ARHGAP35: variants seen among roughly 807,000 people sequenced by gnomAD.
ARHGAP35 encodes the protein rho GTPase-activating protein 35.
ARHGAP35 carries 15 observed loss-of-function variants against 111.1 expected under a neutral mutation model. The ratio of observed to expected loss-of-function variants is 0.13; its 90% CI spans 0.09 to 0.21. The LOEUF is 0.21. Ranked by LOEUF, ARHGAP35 falls within the 10% of genes least tolerant of loss-of-function variation. The pLI, the probability that ARHGAP35 is intolerant of heterozygous loss-of-function variation, is 1.00. For missense variants in ARHGAP35, 1,262 were observed against 1,873.0 expected, an observed-to-expected ratio of 0.67 and a Z score of 6.02; for synonymous variants, 643 against 710.3, an observed-to-expected ratio of 0.91 and a Z score of 1.51.
At position 46,874,574 on chromosome 19, in the gene ARHGAP35, G is replaced by A. The variant is rs187909506; in HGVS notation, c.-189+13365G>A. The stretch of plus-strand genomic sequence containing the variant: ...GCTGGAGTACAATGGCACAATCTTC[G>A]GCTCACAGCAACCTCCGCCTCCTGC... On this transcript the variant is annotated intron_variant, in intron 1 of 6. Transcript: ENST00000672722. Among the ~76,000 whole-genome samples, 64 of 136,948 alleles carry A rather than the reference G, an allele frequency of 4.7e-4. No individual in the cohort carries two copies. In the East Asian group the frequency reaches 5.8e-3, roughly 12 times the overall value. 89.8% of individuals were successfully genotyped at this position (136,948 alleles called of 152,430 possible).
chr19:46,975,625 C>T (rs1296933122), intron 3 of ARHGAP35, among the ~76,000 whole-genome samples: 2 of 141,704 alleles, frequency 1.4e-5, no homozygotes, highest in African/African-American at 2.6e-5. Flanking sequence ...TGGCAGAGGC[C>T]GTTCACAGCC....
intron 5 of ARHGAP35, among the ~76,000 whole-genome samples, chr19:46,998,360 C>A (rs1443683514): frequency 6.6e-6 from 1 of 152,150 alleles, no homozygotes; most frequent in African/African-American, 2.4e-5. Context: ...TTCTTCTGAG[C>A]CCTGGAGTCC....
At chr19:46,925,114 C>G (rs2056230576) in intron 2 of ARHGAP35, among the ~76,000 whole-genome samples, 1 of 152,140 alleles carries the variant, frequency 6.6e-6, no homozygotes, top group Admixed American at 6.5e-5. Context: ...CTCTTCAAGT[C>G]AAATAAAAAT....
chr19:46,979,148 C>T (rs1486596827), intron 3 of ARHGAP35, among the ~76,000 whole-genome samples: 1 of 151,760 alleles, frequency 6.6e-6, no homozygotes, highest in Non-Finnish European at 1.5e-5. Flanking sequence ...ATTGTGCTCG[C>T]GGTCTGTTTC....
At chr19:46,897,488 CT>C (rs2056063682) in intron 1 of ARHGAP35, among the ~76,000 whole-genome samples, 1 of 143,180 alleles carries the variant, frequency 7.0e-6, no homozygotes, top group South Asian at 2.2e-4. Context: ...TTCTATTTAT[CT>C]TGGCTTAATA....
Position 46,873,593 on chromosome 19 carries a change from G to A in ARHGAP35, c.-189+12384G>A, listed in dbSNP as rs112149248. On this transcript the variant is annotated intron_variant, in intron 1 of 6. Coordinates refer to ENST00000672722, the MANE Select transcript of ARHGAP35 (RefSeq NM_004491.5). ...GTGGAGGTTGCAGTGAGCTGAGATC[G>A]CGCCACTGCACCCCACCTGGCTGAC... Among the ~76,000 whole-genome samples the A allele has an allele frequency of 2.0e-5, 3 of 148,478 alleles. 1 individual carries two copies. The highest frequency in any genetic ancestry group is 7.5e-5 in the African/African-American group (3 of 40,200).
At chr19:46,936,496 C>A (rs2056308035) in intron 2 of ARHGAP35, among the ~76,000 whole-genome samples, 1 of 152,172 alleles carries the variant, frequency 6.6e-6, no homozygotes. Context: ...TCAGCCCTAG[C>A]AGAATGCCTG....
At position 46,977,139 on chromosome 19, in the gene ARHGAP35, G is replaced by A. The variant is rs1237445687; in HGVS notation, c.3827-10850G>A. On this transcript the variant is annotated intron_variant, in intron 3 of 6. Coordinates refer to ENST00000672722, the MANE Select transcript of ARHGAP35 (RefSeq NM_004491.5). Reference sequence around the variant, plus strand: ...CAGCCCATTAGCAAGAATGTGGCCAGCTTCTGCAGGGGGCGTGGCCCTGTG... The same window carrying A: ...CAGCCCATTAGCAAGAATGTGGCCAACTTCTGCAGGGGGCGTGGCCCTGTG... Among the ~76,000 whole-genome samples, 3 of 152,240 alleles carry A rather than the reference G, an allele frequency of 2.0e-5. No individual in the cohort carries two copies. The East Asian group carries it at 5.8e-4, about 29-fold the overall frequency.
chr19:46,919,411 C>T lies in ARHGAP35; in HGVS notation c.736C>T (p.Leu246Phe). 4 of 1,613,980 alleles carry T rather than the reference C, an allele frequency of 2.5e-6. No homozygotes were observed. Among genetic ancestry groups the T allele is most frequent in the Non-Finnish European group, 3.4e-6 (4 of 1,179,896 alleles). The change falls in exon 2 of 7, where the codon CTC becomes TTC. Residue 246 changes from leucine to phenylalanine, a missense_variant. By Grantham distance (22) the Leu-to-Phe change is conservative. This residue lies in a region of ARHGAP35 where 328 missense variants were observed against 440.8 expected (regional missense o/e 0.74). Coordinates refer to ENST00000672722, the MANE Select transcript of ARHGAP35 (RefSeq NM_004491.5). This position sits in a 1 kb window ranked among gnomAD's most constrained non-coding sequence, Gnocchi z 6.2. ...CTTGGCTTTCAGCACCTTAGTGCAACTCATTGATAAAAGTCGGGGAAAGAC... is the reference window on the plus strand; with the variant it reads ...CTTGGCTTTCAGCACCTTAGTGCAATTCATTGATAAAAGTCGGGGAAAGAC... Reference protein sequence around the residue: ...VDLAFSTLVQLIDKSRGKTKI... With the variant: ...VDLAFSTLVQFIDKSRGKTKI...
At chr19:46,964,162 T>C (rs2056500386) in intron 3 of ARHGAP35, among the ~76,000 whole-genome samples, 1 of 151,842 alleles carries the variant, frequency 6.6e-6, no homozygotes, top group Non-Finnish European at 1.5e-5. Context: ...GCCACCGGAC[T>C]CATTATTATA....
chr19:46,993,278 C>T lies in ARHGAP35; in HGVS notation c.4036+3603C>T, dbSNP rs1002498178. ...CTGCGTGATCACTGAAGGGCTGTGA[C>T]CTTGAGCCGGGCTTTCCCTTTCCTG... On this transcript the variant is annotated intron_variant, in intron 5 of 6. Coordinates refer to ENST00000672722, the MANE Select transcript of ARHGAP35 (RefSeq NM_004491.5). This position sits in a 1 kb window ranked among gnomAD's most constrained non-coding sequence, Gnocchi z 4.6. Among the ~76,000 whole-genome samples the T allele has an allele frequency of 6.6e-6, 1 of 152,224 alleles. No individual in the cohort carries two copies. Among genetic ancestry groups the T allele is most frequent in the African/African-American group, 2.4e-5 (1 of 41,460 alleles).
At position 46,912,424 on chromosome 19, in the gene ARHGAP35, G is replaced by A. The variant is rs866104500; in HGVS notation, c.-188-6064G>A. 2.6e-5 allele frequency among the ~76,000 whole-genome samples: 4 copies of A among 151,174 alleles called. No homozygotes were observed. The East Asian group carries it at 5.9e-4, about 22-fold the overall frequency. ...GGCTGGAGTGCAGTGGCACGATCTCGGCTCACTGCAAGCTGGCCTTCCAGG... is the reference window on the plus strand; with the variant it reads ...GGCTGGAGTGCAGTGGCACGATCTCAGCTCACTGCAAGCTGGCCTTCCAGG... On this transcript the variant is annotated intron_variant, in intron 1 of 6. Coordinates refer to ENST00000672722, the MANE Select transcript of ARHGAP35 (RefSeq NM_004491.5).
At chr19:46,933,610 G>A (rs775955938) in intron 2 of ARHGAP35, among the ~76,000 whole-genome samples, 1 of 152,170 alleles carries the variant, frequency 6.6e-6, no homozygotes, top group Non-Finnish European at 1.5e-5. Flanking sequence ...TCTATCAAAT[G>A]GAGTTTTTAA....
At chr19:46,941,228 GT>G in intron 3 of ARHGAP35, among the ~76,000 whole-genome samples, 1 of 152,080 alleles carries the variant, frequency 6.6e-6, no homozygotes, top group East Asian at 1.9e-4. Flanking sequence ...TTTAAAATTT[GT>G]CCCCCATTCC....
At chr19:46,931,751 A>T (rs1371089028) in intron 2 of ARHGAP35, among the ~76,000 whole-genome samples, 2 of 152,092 alleles carry the variant, frequency 1.3e-5, no homozygotes, top group East Asian at 3.8e-4. Context: ...TTCTTCGTGG[A>T]GGAGATAGAC....
Position 46,920,835 on chromosome 19 carries a change from A to G in ARHGAP35, c.2160A>G (p.Gln720=), listed in dbSNP as rs1367186878. The part of the protein sequence containing the change: ...SGETLHSLIQ[Q]GQQIASKLQC... ...AGACTCTGCATAGCTTAATACAGCA[A>G]GGTCAACAAATTGCTAGCAAACTTC... is the stretch of plus-strand genomic sequence containing the variant. The change falls in exon 2 of 7, where the codon CAA becomes CAG. Residue 720 remains glutamine, a synonymous_variant. Coordinates refer to ENST00000672722, the MANE Select transcript of ARHGAP35 (RefSeq NM_004491.5). This position sits in a 1 kb window ranked among gnomAD's most constrained non-coding sequence, Gnocchi z 7.0. The G allele has an allele frequency of 6.2e-7, 1 of 1,613,350 alleles. No homozygotes were observed. Among genetic ancestry groups the G allele is most frequent in the Admixed American group, 1.7e-5 (1 of 59,856 alleles).
At chr19:46,872,477 CAT>C (rs1294776801) in intron 1 of ARHGAP35, among the ~76,000 whole-genome samples, 2 of 148,268 alleles carry the variant, frequency 1.3e-5, no homozygotes, top group Admixed American at 6.8e-5. Flanking sequence ...TTCTTATAAA[CAT>C]ATGAAAGAAA....
At chr19:46,882,246 A>G (rs1223815311) in intron 1 of ARHGAP35, among the ~76,000 whole-genome samples, 1 of 141,740 alleles carries the variant, frequency 7.1e-6, no homozygotes, top group Admixed American at 7.1e-5. Context: ...CAGTCCCCCC[A>G]CCTCAACCCC....
chr19:46,991,092 G>T (rs2056677025), intron 5 of ARHGAP35, among the ~76,000 whole-genome samples: 1 of 152,206 alleles, frequency 6.6e-6, no homozygotes. Context: ...GGTGGGGACA[G>T]TTGCAGGCTT....
Sources: gnomAD v4.1 joint callset for allele counts (sites outside exome capture counted in the v4.1 genomes callset) on GRCh38, gnomAD v4.1.1 for gene constraint, gnomAD v4.1.1 regional missense constraint, Gnocchi (gnomAD v3.1) non-coding constraint, MANE v1.5 for transcripts, NCBI Gene and HGNC (gene_info 2026-07-23, HGNC 2026-07-21) for gene names.